SPRED3: variants seen among roughly 807,000 people sequenced by gnomAD.
The protein encoded by SPRED3 is sprouty-related, EVH1 domain-containing protein 3.
Under a neutral mutation model 37.6 loss-of-function variants are expected in SPRED3, and 23 were observed. The observed-to-expected ratio is 0.61, with a 90% CI of 0.44 to 0.87. The LOEUF is 0.87. Among genes scored for constraint, SPRED3 ranks in the 40% least tolerant of loss-of-function variants. The pLI is 0.00. For missense variants in SPRED3, 584 were observed against 618.6 expected, an observed-to-expected ratio of 0.94 and a Z score of 0.59; for synonymous variants, 302 against 279.6, an observed-to-expected ratio of 1.08 and a Z score of -0.80.
At position 38,395,868 on chromosome 19, in the gene SPRED3, C is replaced by G; in HGVS notation, c.956C>G (p.Pro319Arg). 1.3e-6 allele frequency: 2 copies of G among 1,491,578 alleles called. No homozygotes were observed. The highest frequency in any genetic ancestry group is 1.3e-5 in the South Asian group (1 of 79,548). The allele number at this position is 1,491,578 out of a possible 1,614,324, so 92.4% of individuals were successfully genotyped here. A position where few individuals can be genotyped will look rare whatever the true frequency, so the allele number is the denominator to read the frequency against. Residue 319 changes from proline (P) to arginine (R), a missense_variant, in exon 6 of 6, where the codon CCG becomes CGG. By Grantham distance (103) the Pro-to-Arg change is moderately radical (BLOSUM62 -2). Coordinates refer to ENST00000691638, the MANE Select transcript of SPRED3 (RefSeq NM_001394336.1). The surrounding 1 kb of genome is among the most constrained non-coding windows in gnomAD (Gnocchi z 5.2). ...DGRGGRCAEA[P>R]DPGRLLVRRL... The stretch of plus-strand genomic sequence containing the variant: ...CGTGGCGGCCGCTGCGCAGAGGCCC[C>G]GGACCCGGGTCGCCTCCTGGTGCGC...
Position 38,395,877 on chromosome 19 carries a change from G to A in SPRED3, c.965G>A (p.Gly322Asp). ...CGCTGCGCAGAGGCCCCGGACCCGGGTCGCCTCCTGGTGCGCCGTCTAAGC... is the reference window on the plus strand; with the variant it reads ...CGCTGCGCAGAGGCCCCGGACCCGGATCGCCTCCTGGTGCGCCGTCTAAGC... Reference protein sequence around the residue: ...GGRCAEAPDPGRLLVRRLSCL... With the variant: ...GGRCAEAPDPDRLLVRRLSCL... The change falls in exon 6 of 6, where the codon GGT becomes GAT. Residue 322 changes from glycine to aspartate, a missense_variant. Coordinates refer to ENST00000691638, the MANE Select transcript of SPRED3 (RefSeq NM_001394336.1). This position sits in a 1 kb window ranked among gnomAD's most constrained non-coding sequence, Gnocchi z 5.2. 6.7e-7 allele frequency: 1 copy of A among 1,497,100 alleles called. No individual in the cohort carries two copies. The highest frequency in any genetic ancestry group is 8.8e-7 in the Non-Finnish European group (1 of 1,131,386). 92.7% of individuals were successfully genotyped at this position (1,497,100 alleles called of 1,614,324 possible).
rs1970842162 is a variant in SPRED3 at position 38,392,234 on chromosome 19, C to T, written c.369C>T (p.Ser123=). The T allele has an allele frequency of 1.3e-6, 2 of 1,594,722 alleles. No homozygotes were observed. Among genetic ancestry groups the T allele is most frequent in the Admixed American group, 1.7e-5 (1 of 57,988 alleles). Residue 123 remains serine (S), a synonymous_variant, in exon 4 of 6, where the codon TCC becomes TCT. Transcript: ENST00000691638. ...LGRGSLTPSS[S]SSSSSPSQDT... Reference sequence around the variant, plus strand: ...CAGGCTCACTCACCCCCTCCTCCTCCTCCTCCTCCTCCTCTCCTTCCCAGG... The same window carrying T: ...CAGGCTCACTCACCCCCTCCTCCTCTTCCTCCTCCTCCTCTCCTTCCCAGG...
rs772785914 is a variant in SPRED3, at chr19:38,390,400, G to C, written c.98G>C (p.Arg33Pro). The C allele has an allele frequency of 2.2e-5, 30 of 1,392,146 alleles. No homozygotes were observed. Among genetic ancestry groups the C allele is most frequent in the Non-Finnish European group, 2.8e-5 (30 of 1,069,280 alleles). 86.2% of individuals were successfully genotyped at this position (1,392,146 alleles called of 1,614,324 possible). A position where few individuals can be genotyped will look rare whatever the true frequency, so the allele number is the denominator to read the frequency against. ...GGGLSQVSVC[R>P]VRGARPEGGA... The stretch of plus-strand genomic sequence containing the variant: ...GGCCTCAGCCAGGTGAGCGTGTGTC[G>C]GGTCCGAGGGGCCAGGCCCGAGGGG... Residue 33 changes from arginine (R) to proline (P), a missense_variant, in exon 2 of 6, where the codon CGG becomes CCG. Arg to Pro is a moderately radical substitution (Grantham distance 103, BLOSUM62 -2). Coordinates refer to ENST00000691638, the MANE Select transcript of SPRED3 (RefSeq NM_001394336.1).
intron 4 of SPRED3, 189 bp from the exon 5 acceptor site, chr19:38,394,454 G>A: frequency 6.7e-7 from 1 of 1,493,298 alleles, no homozygotes; most frequent in East Asian, 2.3e-5. Flanking sequence ...GTTTTACAGA[G>A]GAGGAAACTG....
At chr19:38,392,159 G>A (rs1261025990) in intron 3 of SPRED3, 45 bp downstream of exon 3, 2 of 1,608,604 alleles carry the variant, frequency 1.2e-6, no homozygotes, top group Non-Finnish European at 1.7e-6. Flanking sequence ...CCTGGGAGCG[G>A]GAGGAGAAGC....
intron 4 of SPRED3, among the ~76,000 whole-genome samples, chr19:38,393,344 C>CTTTTT (rs74176441): frequency 6.5e-4 from 79 of 121,128 alleles, no homozygotes; most frequent in Admixed American, 1.3e-3. Context: ...ATACTATTAT[C>CTTTTT]TTTTTTTTTT....
At chr19:38,393,264 G>T (rs908196953) in intron 4 of SPRED3, among the ~76,000 whole-genome samples, 1 of 151,624 alleles carries the variant, frequency 6.6e-6, no homozygotes, top group Non-Finnish European at 1.5e-5. Context: ...ATTGCAATCT[G>T]CCAATGCCCC....
intron 4 of SPRED3, chr19:38,392,773 C>T (rs557475086): frequency 6.6e-6 from 1 of 152,380 alleles, no homozygotes; most frequent in Non-Finnish European, 1.5e-5. Context: ...AATATTGGTT[C>T]TACTTTCCAA....
rs560045089 is a variant in SPRED3 at position 38,396,906 on chromosome 19, C to T, written c.*761C>T. ...CCAGACTCTTAAGATGCACTGAGTGCTCGGATATACTGAAACACGAGCTGT... is the reference window on the plus strand; with the variant it reads ...CCAGACTCTTAAGATGCACTGAGTGTTCGGATATACTGAAACACGAGCTGT... On this transcript the variant is annotated 3_prime_UTR_variant, in exon 6 of 6. Transcript: ENST00000691638. 3.9e-5 allele frequency: 6 copies of T among 152,260 alleles called. No individual in the cohort carries two copies. The highest frequency in any genetic ancestry group is 1.4e-4 in the African/African-American group (6 of 41,542). The allele number at this position is 152,260 out of a possible 1,614,324, so 9.4% of individuals were successfully genotyped here.
intron 4 of SPRED3, 22 bp from the exon 5 acceptor site, chr19:38,394,621 T>A: frequency 6.3e-7 from 1 of 1,579,468 alleles, no homozygotes; most frequent in Non-Finnish European, 8.6e-7. Flanking sequence ...GTCCCCGCGC[T>A]GAGGCCGCCA....
chr19:38,392,611 A>AATATAT (rs1257587268), intron 4 of SPRED3: 1 of 215,480 alleles, frequency 4.6e-6, no homozygotes, highest in African/African-American at 2.3e-5. Flanking sequence ...AATTAAAAAA[A>AATATAT]ATATATATAT....
intron 2 of SPRED3, 72 bp downstream of exon 2, chr19:38,390,551 C>T (rs1031062928): frequency 2.5e-6 from 3 of 1,214,854 alleles, no homozygotes; most frequent in East Asian, 3.2e-5. Context: ...GCATGTGGAG[C>T]AGAGGTCAGG....
At chr19:38,390,183 C>A in intron 1 of SPRED3, 116 bp from the exon 2 acceptor site, 1 of 1,062,208 alleles carries the variant, frequency 9.4e-7, no homozygotes, top group Non-Finnish European at 1.2e-6. Context: ...GTGCAGTGGA[C>A]CTGGACGTGA....
rs1427758600 is a variant in SPRED3 at position 38,398,652 on chromosome 19, G to A, written c.*2507G>A. On this transcript the variant is annotated 3_prime_UTR_variant, in exon 6 of 6. Coordinates refer to ENST00000691638, the MANE Select transcript of SPRED3 (RefSeq NM_001394336.1). ...CAGGCTTTTTTCCCCCAAGTGAAAT[G>A]GGGCTTCCAGTGGATCGAAGATCTG... 1 of 152,188 alleles carries A rather than the reference G, an allele frequency of 6.6e-6. No individual in the cohort carries two copies. Among genetic ancestry groups the A allele is most frequent in the African/African-American group, 2.4e-5 (1 of 41,428 alleles). The allele number at this position is 152,188 out of a possible 1,614,324, so 9.4% of individuals were successfully genotyped here.
intron 4 of SPRED3, chr19:38,394,360 G>C (rs774523163): frequency 1.5e-5 from 23 of 1,573,526 alleles, no homozygotes; most frequent in Non-Finnish European, 1.8e-5. Context: ...ACCATTTCCA[G>C]CTCTCCCAGT....
In SPRED3 at chr19:38,395,474, C is replaced by T; in HGVS notation, c.568-6C>T. 6.8e-7 allele frequency: 1 copy of T among 1,459,964 alleles called. No individual in the cohort carries two copies. Among genetic ancestry groups the T allele is most frequent in the Non-Finnish European group, 9.0e-7 (1 of 1,107,224 alleles). 90.4% of individuals were successfully genotyped at this position (1,459,964 alleles called of 1,614,324 possible). On this transcript the variant is annotated splice_polypyrimidine_tract_variant and splice_region_variant and intron_variant, in intron 5 of 5. Transcript: ENST00000691638. This position sits in a 1 kb window ranked among gnomAD's most constrained non-coding sequence, Gnocchi z 5.2. ...ATTCTGATCTGTTTGTCCCTTCGTTCCGCAGAGCTACCCTCCGCTTCTACC... is the reference window on the plus strand; with the variant it reads ...ATTCTGATCTGTTTGTCCCTTCGTTTCGCAGAGCTACCCTCCGCTTCTACC...
chr19:38,392,883 A>C (rs1970850120), intron 4 of SPRED3, among the ~76,000 whole-genome samples: 1 of 151,988 alleles, frequency 6.6e-6, no homozygotes, highest in Non-Finnish European at 1.5e-5. Context: ...TCCTGCCCCC[A>C]CACATAGCCA....
intron 1 of SPRED3, chr19:38,390,025 C>G (rs1175281309): frequency 3.6e-5 from 9 of 252,700 alleles, no homozygotes; most frequent in Admixed American, 2.5e-4. Flanking sequence ...GGGGTGGGGA[C>G]GGAGAGATGG....
Position 38,396,083 on chromosome 19 carries a change from T to G in SPRED3, c.1171T>G (p.Trp391Gly). The stretch of plus-strand genomic sequence containing the variant: ...CTACGCGCCCCTGCGCGCGTGCCAC[T>G]GGGTCGCAGCGCGATGCGGCTGCGC... ...CCYAPLRACH[W>G]VAARCGCAGC... The change falls in exon 6 of 6, where the codon TGG (tryptophan) becomes GGG (glycine). Residue 391 changes from tryptophan to glycine, a missense_variant. This residue lies in a region of SPRED3 where 85 missense variants were observed against 117.8 expected (regional missense o/e 0.72). Transcript: ENST00000691638. 7.5e-7 allele frequency: 1 copy of G among 1,330,014 alleles called. No individual in the cohort carries two copies. Among genetic ancestry groups the G allele is most frequent in the Non-Finnish European group, 9.6e-7 (1 of 1,043,252 alleles). 82.4% of individuals were successfully genotyped at this position (1,330,014 alleles called of 1,614,324 possible). A position where few individuals can be genotyped will look rare whatever the true frequency, so the allele number is the denominator to read the frequency against.
Sources: gnomAD v4.1 joint callset for allele counts (sites outside exome capture counted in the v4.1 genomes callset) on GRCh38, gnomAD v4.1.1 for gene constraint, gnomAD v4.1.1 regional missense constraint, Gnocchi (gnomAD v3.1) non-coding constraint, MANE v1.5 for transcripts, NCBI Gene and HGNC (gene_info 2026-07-23, HGNC 2026-07-21) for gene names.